DDX60L: variants seen among roughly 807,000 people sequenced by gnomAD.
DDX60L encodes DExD/H-box 60 like, also known as probable ATP-dependent RNA helicase DDX60-like.
In DDX60L, 191 loss-of-function variants were observed where a neutral mutation model predicts 211.6. That is an observed-to-expected ratio of 0.90 (90% CI 0.80 to 1.02). DDX60L has a LOEUF of 1.02. DDX60L is among the 50% of genes least tolerant of loss of function. The pLI, the probability that DDX60L is intolerant of heterozygous loss-of-function variation, is 0.00. For synonymous variants in DDX60L, 706 were observed against 694.1 expected (o/e 1.02, Z -0.27); for missense variants, 2,007 against 1,984.1 (o/e 1.01, Z -0.22).
chr4:168,448,718 T>A lies in DDX60L; in HGVS notation c.1058A>T (p.Asn353Ile), dbSNP rs765725697. 1.2e-6 allele frequency: 2 copies of A among 1,606,684 alleles called. No individual in the cohort carries two copies. ...NLNVFGCWNL[N>I]LNHVSDLYDE... ...ATACAAGTCAGAAACATGATTTAAA[T>A]TCAGATTCCAGCATCCAAAAACGTT... Residue 353 changes from asparagine to isoleucine, a missense_variant, in exon 9 of 38, where the codon AAT (asparagine) becomes ATT (isoleucine). Asn to Ile is a moderately radical substitution (Grantham distance 149). Coordinates refer to ENST00000682922, the MANE Select transcript of DDX60L (RefSeq NM_001012967.3).
chr4:168,454,375 C>T (rs1389415446), intron 7 of DDX60L, among the ~76,000 whole-genome samples: 1 of 152,106 alleles, frequency 6.6e-6, no homozygotes, highest in Non-Finnish European at 1.5e-5. Flanking sequence ...GCTCTGAAAA[C>T]CGTCTAACTC....
At chr4:168,380,233 G>A (rs1290325345) in intron 30 of DDX60L, 1 of 154,502 alleles carries the variant, frequency 6.5e-6, no homozygotes, top group East Asian at 1.9e-4. Flanking sequence ...ATGGAATTAG[G>A]TAGATTGCAG....
chr4:168,442,251 C>A (rs1441686351), intron 9 of DDX60L, among the ~76,000 whole-genome samples: 2 of 152,122 alleles, frequency 1.3e-5, no homozygotes, highest in African/African-American at 4.8e-5. Flanking sequence ...CGGACGGCAC[C>A]TGGAAAATCG....
intron 22 of DDX60L, among the ~76,000 whole-genome samples, chr4:168,411,533 G>C (rs910548991): frequency 2.0e-5 from 3 of 152,180 alleles, no homozygotes; most frequent in Admixed American, 6.5e-5. Flanking sequence ...AGACTAGCCT[G>C]ACCCAGAGGA....
At position 168,358,073 on chromosome 4, in the gene DDX60L, G is replaced by T. The variant is rs1579121939; in HGVS notation, c.*74C>A. ...AGACAAACATTTTTTCCATTTCATT[G>T]TGTAAGCTTAATTATATCTCTCCTT... On this transcript the variant is annotated 3_prime_UTR_variant, in exon 38 of 38. Transcript: ENST00000682922. 3.0e-6 allele frequency: 4 copies of T among 1,348,100 alleles called. No homozygotes were observed. The highest frequency in any genetic ancestry group is 2.1e-5 in the Admixed American group (1 of 46,768). 83.5% of individuals were successfully genotyped at this position (1,348,100 alleles called of 1,614,324 possible). A position where few individuals can be genotyped will look rare whatever the true frequency, so the allele number is the denominator to read the frequency against.
chr4:168,449,663 A>AAAAAAAAAAAAAAAAAAAAC (rs1561098817), intron 8 of DDX60L, among the ~76,000 whole-genome samples: 1 of 62,426 alleles, frequency 1.6e-5, no homozygotes, highest in Admixed American at 1.4e-4. Flanking sequence ...AAAAAAAAAA[A>AAAAAAAAAAAAAAAAAAAAC]AAGAAAAAAG....
At position 168,432,242 on chromosome 4, in the gene DDX60L, T is replaced by TTGTG. The variant is rs367842213; in HGVS notation, c.1516+209_1516+212dup. Among the ~76,000 whole-genome samples, 6 of 147,880 alleles carry TTGTG rather than the reference T, an allele frequency of 4.1e-5. No individual in the cohort carries two copies. The South Asian group carries it at 6.3e-4, about 16-fold the overall frequency. On this transcript the variant is annotated intron_variant, in intron 12 of 37. Coordinates refer to ENST00000682922, the MANE Select transcript of DDX60L (RefSeq NM_001012967.3). The stretch of plus-strand genomic sequence containing the variant: ...TCTTCAATTAATATATATATATATA[T>TTGTG]TGTGTGTGTGTGTGTATATATATAT...
At chr4:168,410,078 AGGG>A (rs774674864) in intron 22 of DDX60L, among the ~76,000 whole-genome samples, 2 of 152,190 alleles carry the variant, frequency 1.3e-5, no homozygotes, top group Non-Finnish European at 2.9e-5. Flanking sequence ...AAGGTAATCC[AGGG>A]GTGAAAAAGT....
At chr4:168,458,400 A>G (rs375682712) in intron 5 of DDX60L, among the ~76,000 whole-genome samples, 1 of 152,342 alleles carries the variant, frequency 6.6e-6, no homozygotes, top group East Asian at 1.9e-4. Context: ...CATGAAATCA[A>G]CCCAAATGCC....
intron 28 of DDX60L, among the ~76,000 whole-genome samples, chr4:168,392,571 T>C (rs561802301): frequency 6.6e-6 from 1 of 152,132 alleles, no homozygotes; most frequent in East Asian, 1.9e-4. Flanking sequence ...TGGCCAAGTG[T>C]AGTGGCTCAC....
chr4:168,471,983 G>T (rs1758846588), intron 3 of DDX60L, 47 bp from the exon 4 acceptor site: 2 of 1,437,562 alleles, frequency 1.4e-6, no homozygotes, highest in African/African-American at 1.4e-5. Context: ...GTTTCACAGA[G>T]ACTTTGTTGC....
chr4:168,373,896 A>C, intron 34 of DDX60L, 88 bp from the exon 35 acceptor site: 1 of 1,314,486 alleles, frequency 7.6e-7, no homozygotes, highest in Non-Finnish European at 1.1e-6. Context: ...AAGCCACAGT[A>C]GGTGACATTC....
chr4:168,467,458 AAAAT>A (rs1247152343), intron 4 of DDX60L, among the ~76,000 whole-genome samples: 1 of 151,554 alleles, frequency 6.6e-6, no homozygotes, highest in Non-Finnish European at 1.5e-5. Context: ...AAAAAAAAAA[AAAAT>A]GAAAGAAGGA....
intron 13 of DDX60L, among the ~76,000 whole-genome samples, chr4:168,428,846 C>T (rs1751882478): frequency 6.6e-6 from 1 of 152,174 alleles, no homozygotes; most frequent in Admixed American, 6.5e-5. Flanking sequence ...TACTTTTCCA[C>T]ATTATCTTTT....
At chr4:168,412,378 C>T (rs1167725405) in intron 22 of DDX60L, among the ~76,000 whole-genome samples, 1 of 152,038 alleles carries the variant, frequency 6.6e-6, no homozygotes, top group African/African-American at 2.4e-5. Flanking sequence ...GGGAGAGACC[C>T]AGGCCTTGTA....
At position 168,432,529 on chromosome 4, in the gene DDX60L, G is replaced by T; in HGVS notation, c.1442C>A (p.Ser481Tyr). The change falls in exon 12 of 38, where the codon TCT (serine) becomes TAT (tyrosine). Residue 481 changes from serine (S) to tyrosine (Y), a missense_variant. Coordinates refer to ENST00000682922, the MANE Select transcript of DDX60L (RefSeq NM_001012967.3). ...VVPSLFKQKT[S>Y]DELLHWHAQR... ...AGCATGCCAGTGCAAAAGTTCATCAGATGTCTTTTGTTTAAACAGTGAAGG... is the reference window on the plus strand; with the variant it reads ...AGCATGCCAGTGCAAAAGTTCATCATATGTCTTTTGTTTAAACAGTGAAGG... The T allele has an allele frequency of 6.3e-7, 1 of 1,584,648 alleles. No individual in the cohort carries two copies.
intron 15 of DDX60L, 48 bp downstream of exon 15, chr4:168,423,560 T>C: frequency 7.2e-7 from 1 of 1,394,260 alleles, no homozygotes; most frequent in Non-Finnish European, 9.7e-7. Flanking sequence ...TTCTTCCATA[T>C]TAAAATTGAG....
chr4:168,436,146 T>A (rs1307488828), intron 10 of DDX60L, among the ~76,000 whole-genome samples: 1 of 152,234 alleles, frequency 6.6e-6, no homozygotes, highest in African/African-American at 2.4e-5. Flanking sequence ...TTCTGGCTTA[T>A]TGATCAAGTG....
At position 168,455,664 on chromosome 4, in the gene DDX60L, G is replaced by C. The variant is rs556103403; in HGVS notation, c.837+375C>G. ...TAACACAAAGACCCTGAAACACAGC[G>C]TATAGTGGGGCCCCTCCTCCAATTT... On this transcript the variant is annotated intron_variant, in intron 7 of 37. Transcript: ENST00000682922. Among the ~76,000 whole-genome samples the C allele has an allele frequency of 2.0e-5, 3 of 152,236 alleles. No homozygotes were observed. The South Asian group carries it at 6.2e-4, about 32-fold the overall frequency.
Sources: gnomAD v4.1 joint callset for allele counts (sites outside exome capture counted in the v4.1 genomes callset) on GRCh38, gnomAD v4.1.1 for gene constraint, MANE v1.5 for transcripts, NCBI Gene and HGNC (gene_info 2026-07-23, HGNC 2026-07-21) for gene names.